The following RRP15 variants were observed in gnomAD, a reference collection of about 807,000 sequenced individuals.
RRP15 encodes the protein ribosomal RNA processing 15 homolog.
In RRP15, 18 loss-of-function variants were observed where a neutral mutation model predicts 27.1. That is an observed-to-expected ratio of 0.66 (90% CI 0.46 to 0.98). The LOEUF is 0.98. Ranked by LOEUF, RRP15 falls within the 50% of genes least tolerant of loss-of-function variation. The pLI, the probability that RRP15 is intolerant of heterozygous loss-of-function variation, is 0.00. For missense variants in RRP15, 359 were observed against 337.8 expected (o/e 1.06, Z -0.49); for synonymous variants, 107 against 109.4 (o/e 0.98, Z 0.14).
chr1:218,331,139 A>T lies in RRP15; in HGVS notation c.*48A>T, dbSNP rs1656361799. 6.5e-7 allele frequency: 1 copy of T among 1,546,066 alleles called. No homozygotes were observed. Among genetic ancestry groups the T allele is most frequent in the Admixed American group, 1.8e-5 (1 of 55,448 alleles). Reference sequence around the variant, plus strand: ...CAGTCGTTTTATTTTTTCTAGAAAAATATGTCATCCTCTGATAGTTGGGGA... The same window carrying T: ...CAGTCGTTTTATTTTTTCTAGAAAATTATGTCATCCTCTGATAGTTGGGGA... On this transcript the variant is annotated 3_prime_UTR_variant, in exon 5 of 5. Coordinates refer to ENST00000366932, the MANE Select transcript of RRP15 (RefSeq NM_016052.4).
At chr1:218,304,570 C>T (rs561055720) in intron 2 of RRP15, among the ~76,000 whole-genome samples, 7 of 152,244 alleles carry the variant, frequency 4.6e-5, no homozygotes, top group Admixed American at 6.5e-5. Flanking sequence ...TATCTGGATA[C>T]GATGCTGTTC....
intron 4 of RRP15, among the ~76,000 whole-genome samples, chr1:218,309,103 C>G (rs1558207135): frequency 6.6e-6 from 1 of 152,146 alleles, no homozygotes; most frequent in Non-Finnish European, 1.5e-5. Flanking sequence ...CCTTGACTTT[C>G]TTTTTTTCTA....
chr1:218,294,995 A>G (rs1206801475), intron 1 of RRP15, among the ~76,000 whole-genome samples: 1 of 152,210 alleles, frequency 6.6e-6, no homozygotes, highest in Non-Finnish European at 1.5e-5. Flanking sequence ...ATAGAGGGGA[A>G]GGTGATGGCC....
intron 2 of RRP15, among the ~76,000 whole-genome samples, chr1:218,302,827 C>A (rs939847005): frequency 6.6e-6 from 1 of 152,086 alleles, no homozygotes; most frequent in African/African-American, 2.4e-5. Context: ...TAATTATACA[C>A]ATGGTAGTGA....
intron 1 of RRP15, among the ~76,000 whole-genome samples, chr1:218,300,723 A>G (rs1655798473): frequency 6.6e-6 from 1 of 152,246 alleles, no homozygotes; most frequent in Non-Finnish European, 1.5e-5. Flanking sequence ...AAGAATAGAT[A>G]ATTTTGAAGC....
At chr1:218,321,821 C>T (rs1052504121) in intron 4 of RRP15, among the ~76,000 whole-genome samples, 3 of 151,980 alleles carry the variant, frequency 2.0e-5, no homozygotes, top group Admixed American at 6.6e-5. Flanking sequence ...TTAGAATTTG[C>T]CTCAGGCTTT....
chr1:218,305,409 T>G (rs1195941780), intron 3 of RRP15, among the ~76,000 whole-genome samples: 2 of 152,020 alleles, frequency 1.3e-5, no homozygotes, highest in African/African-American at 2.4e-5. Flanking sequence ...TCTCTTATGA[T>G]GCTTGTCTAA....
intron 4 of RRP15, among the ~76,000 whole-genome samples, chr1:218,322,938 A>C (rs1656210683): frequency 1.3e-5 from 2 of 152,214 alleles, no homozygotes; most frequent in Admixed American, 1.3e-4. Context: ...ACAGCCAGGC[A>C]TGCCAGCTGC....
At chr1:218,293,375 A>G (rs1452439866) in intron 1 of RRP15, among the ~76,000 whole-genome samples, 5 of 152,224 alleles carry the variant, frequency 3.3e-5, no homozygotes, top group East Asian at 1.9e-4. Flanking sequence ...AGTTGTATAC[A>G]TGTGGTCTTG....
intron 4 of RRP15, among the ~76,000 whole-genome samples, chr1:218,320,781 A>G (rs1656175662): frequency 6.6e-6 from 1 of 152,178 alleles, no homozygotes; most frequent in South Asian, 2.1e-4. Flanking sequence ...GGCGAAAAAA[A>G]TTGAATCCAT....
At chr1:218,328,172 G>C (rs1448229215) in intron 4 of RRP15, among the ~76,000 whole-genome samples, 2 of 152,188 alleles carry the variant, frequency 1.3e-5, no homozygotes, top group East Asian at 1.9e-4. Context: ...CCCCTGTAAA[G>C]CTCTTCCTGT....
At chr1:218,314,074 C>T (rs867981327) in intron 4 of RRP15, among the ~76,000 whole-genome samples, 14 of 151,726 alleles carry the variant, frequency 9.2e-5, no homozygotes, top group East Asian at 1.9e-4. Flanking sequence ...AGCCTGGTCT[C>T]GAACTCCTGG....
chr1:218,310,289 A>G (rs559155576), intron 4 of RRP15, among the ~76,000 whole-genome samples: 1 of 152,268 alleles, frequency 6.6e-6, no homozygotes, highest in Admixed American at 6.5e-5. Flanking sequence ...TTTAAATTCA[A>G]TATTCCTAAT....
intron 4 of RRP15, among the ~76,000 whole-genome samples, chr1:218,319,210 G>A (rs190096389): frequency 0.022 from 3,343 of 151,376 alleles, 135 homozygotes; most frequent in African/African-American, 0.075. Flanking sequence ...GATTACAGGC[G>A]CCCGCCACGA....
At chr1:218,298,098 A>G (rs1655749095) in intron 1 of RRP15, among the ~76,000 whole-genome samples, 1 of 152,082 alleles carries the variant, frequency 6.6e-6, no homozygotes, top group Non-Finnish European at 1.5e-5. Context: ...ATATGATTAC[A>G]ATAGTAATTT....
At position 218,287,971 on chromosome 1, in the gene RRP15, G is replaced by A. The variant is rs143288568; in HGVS notation, c.139+2516G>A. ...CATAAAAGCATATACAGTGGCATGC[G>A]GTCTCTTAAAATTCATGGCCTATTT... On this transcript the variant is annotated intron_variant, in intron 1 of 4. Coordinates refer to ENST00000366932, the MANE Select transcript of RRP15 (RefSeq NM_016052.4). Among the ~76,000 whole-genome samples the A allele has an allele frequency of 3.1e-3, 473 of 152,236 alleles. 5 individuals carry two copies. Among genetic ancestry groups the A allele is most frequent in the African/African-American group, 0.011 (442 of 41,518 alleles).
At chr1:218,288,351 A>T (rs903956258) in intron 1 of RRP15, among the ~76,000 whole-genome samples, 2 of 152,222 alleles carry the variant, frequency 1.3e-5, no homozygotes, top group Non-Finnish European at 2.9e-5. Context: ...ATAGCACCAT[A>T]GGTTTTGGGC....
intron 4 of RRP15, among the ~76,000 whole-genome samples, chr1:218,319,638 T>C (rs929293790): frequency 6.6e-6 from 1 of 152,176 alleles, no homozygotes; most frequent in African/African-American, 2.4e-5. Context: ...AATCTATTTA[T>C]TTCTAAATTG....
chr1:218,301,960 T>G (rs2102497779), intron 1 of RRP15: 1 of 238,012 alleles, frequency 4.2e-6, no homozygotes, highest in Admixed American at 5.0e-5. Context: ...TGTACTTGAA[T>G]ATACCTTGCA....
Sources: gnomAD v4.1 joint callset for allele counts (sites outside exome capture counted in the v4.1 genomes callset) on GRCh38, gnomAD v4.1.1 for gene constraint, MANE v1.5 for transcripts, NCBI Gene and HGNC (gene_info 2026-07-23, HGNC 2026-07-21) for gene names.